Variants in BMPR1B observed in about 807,000 individuals in gnomAD.
The protein encoded by BMPR1B is bone morphogenetic protein receptor type 1B.
A neutral mutation model predicts 59.1 loss-of-function variants in BMPR1B; 12 were observed. The ratio of observed to expected loss-of-function variants is 0.20; its 90% CI spans 0.13 to 0.33. The LOEUF (loss-of-function observed/expected upper bound fraction) is 0.33, where lower values mean the gene tolerates loss of function less well. BMPR1B is among the 10% of genes least tolerant of loss of function. BMPR1B has a pLI of 1.00. For synonymous variants in BMPR1B, 237 were observed against 207.3 expected (o/e 1.14, Z -1.23); for missense variants, 550 against 610.9 (o/e 0.90, Z 1.05).
intron 1 of BMPR1B, among the ~76,000 whole-genome samples, chr4:94,851,649 A>T (rs868527188): frequency 2.0e-4 from 30 of 148,860 alleles, no homozygotes; most frequent in Middle Eastern, 6.9e-3. Context: ...TACAGCTATT[A>T]ATCATATTTT....
chr4:95,149,449 CAG>C (rs1013171072), intron 11 of BMPR1B, among the ~76,000 whole-genome samples: 1 of 152,156 alleles, frequency 6.6e-6, no homozygotes, highest in African/African-American at 2.4e-5. Context: ...ATTAAAGTAT[CAG>C]AGTATTATTT....
chr4:94,943,630 C>A (rs115955511), intron 2 of BMPR1B, among the ~76,000 whole-genome samples: 1 of 152,094 alleles, frequency 6.6e-6, no homozygotes, highest in East Asian at 1.9e-4. Flanking sequence ...TTTCCCATAC[C>A]TAGTAAGTAC....
chr4:94,910,949 A>G (rs1728248925), intron 2 of BMPR1B, among the ~76,000 whole-genome samples: 1 of 152,114 alleles, frequency 6.6e-6, no homozygotes, highest in South Asian at 2.1e-4. Context: ...TTCAGTTTAA[A>G]AATCCTTATG....
At chr4:95,115,244 A>G (rs1165385377) in intron 5 of BMPR1B, among the ~76,000 whole-genome samples, 1 of 152,226 alleles carries the variant, frequency 6.6e-6, no homozygotes, top group Non-Finnish European at 1.5e-5. Flanking sequence ...TTCTCACAAC[A>G]TATCCCTGTC....
rs572258470 is a variant in BMPR1B, at chr4:94,925,704, G to A, written c.-113+49804G>A. Among the ~76,000 whole-genome samples the A allele has an allele frequency of 3.9e-5, 6 of 152,234 alleles. No homozygotes were observed. In the East Asian group the frequency reaches 1.2e-3, roughly 29 times the overall value. On this transcript the variant is annotated intron_variant, in intron 2 of 12. Transcript: ENST00000515059. The stretch of plus-strand genomic sequence containing the variant: ...TTTGAAACTTGGACATGGTACCGGA[G>A]AGATTTTAATGGGAATTTGGATATT...
intron 2 of BMPR1B, among the ~76,000 whole-genome samples, chr4:94,963,927 T>G (rs571594791): frequency 1.3e-5 from 2 of 152,292 alleles, no homozygotes; most frequent in African/African-American, 4.8e-5. Context: ...TTGGGTAGTA[T>G]GTACATTTTA....
intron 2 of BMPR1B, among the ~76,000 whole-genome samples, chr4:94,983,907 A>G (rs1721248423): frequency 6.6e-6 from 1 of 152,248 alleles, no homozygotes; most frequent in Admixed American, 6.5e-5. Context: ...CTAGAGTGCC[A>G]GGCCCATAAC....
At chr4:94,967,774 C>T (rs1391380653) in intron 2 of BMPR1B, among the ~76,000 whole-genome samples, 3 of 152,166 alleles carry the variant, frequency 2.0e-5, no homozygotes, top group South Asian at 2.1e-4. Flanking sequence ...TGAGCCACTG[C>T]GCCTGGCCTA....
At chr4:95,152,602 A>AAAT (rs144298602) in intron 11 of BMPR1B, 41 bp from the exon 12 acceptor site, 410 of 1,452,236 alleles carry the variant, frequency 2.8e-4, no homozygotes, top group Middle Eastern at 4.9e-4. Context: ...ACTTCACAGA[A>AAAT]AATAATAATA....
At chr4:94,815,818 A>G (rs1415019499) in intron 1 of BMPR1B, among the ~76,000 whole-genome samples, 1 of 152,234 alleles carries the variant, frequency 6.6e-6, no homozygotes, top group African/African-American at 2.4e-5. Context: ...ACATTTTATA[A>G]GGTTATTGCT....
chr4:94,937,032 C>T (rs762658028), intron 2 of BMPR1B, among the ~76,000 whole-genome samples: 7 of 152,128 alleles, frequency 4.6e-5, no homozygotes, highest in African/African-American at 1.2e-4. Flanking sequence ...TGGCATGTAG[C>T]GTCCTCCAGC....
chr4:95,095,073 A>G (rs905323565), intron 3 of BMPR1B, among the ~76,000 whole-genome samples: 2 of 151,764 alleles, frequency 1.3e-5, no homozygotes, highest in Non-Finnish European at 2.9e-5. Flanking sequence ...TTTTGCTGCA[A>G]AGAGCATAGA....
intron 1 of BMPR1B, among the ~76,000 whole-genome samples, chr4:94,870,614 T>TCTACTG (rs1455366062): frequency 3.3e-5 from 5 of 152,210 alleles, no homozygotes; most frequent in Admixed American, 1.3e-4. Context: ...GATTTAGTGT[T>TCTACTG]CTACTGTTTA....
intron 6 of BMPR1B, among the ~76,000 whole-genome samples, chr4:95,119,754 T>C (rs1472554888): frequency 6.6e-6 from 1 of 152,192 alleles, no homozygotes; most frequent in African/African-American, 2.4e-5. Context: ...CTATTACAAA[T>C]CATAAATAGC....
At chr4:94,917,069 A>G (rs889046983) in intron 2 of BMPR1B, among the ~76,000 whole-genome samples, 5 of 152,276 alleles carry the variant, frequency 3.3e-5, no homozygotes, top group African/African-American at 9.6e-5. Context: ...GTAGGTGCCC[A>G]GAACGAAAGA....
chr4:94,980,991 TCACACACA>T (rs71583675), intron 2 of BMPR1B, among the ~76,000 whole-genome samples: 8 of 21,768 alleles, frequency 3.7e-4, no homozygotes, highest in Non-Finnish European at 8.4e-4. Flanking sequence ...CAAGACTCCA[TCACACACA>T]CACACACACA....
intron 12 of BMPR1B, among the ~76,000 whole-genome samples, chr4:95,153,470 A>G (rs889779504): frequency 8.0e-5 from 12 of 150,716 alleles, no homozygotes; most frequent in Admixed American, 1.3e-4. Context: ...GCACCACTGG[A>G]AAAAAAAACA....
At chr4:95,076,184 T>A (rs1189663340) in intron 3 of BMPR1B, among the ~76,000 whole-genome samples, 3 of 152,126 alleles carry the variant, frequency 2.0e-5, no homozygotes, top group Admixed American at 1.3e-4. Flanking sequence ...GATGAACTGA[T>A]GCTTTGATGG....
intron 3 of BMPR1B, among the ~76,000 whole-genome samples, chr4:95,025,217 A>G (rs1724271862): frequency 6.6e-6 from 1 of 152,214 alleles, no homozygotes; most frequent in Admixed American, 6.6e-5. Context: ...GGGGAAAGTG[A>G]TAAGAAAAGA....
Sources: allele counts gnomAD v4.1 joint callset (sites outside exome capture counted in the v4.1 genomes callset), GRCh38; gene constraint gnomAD v4.1.1; transcripts MANE v1.5; gene names NCBI Gene and HGNC (gene_info 2026-07-23, HGNC 2026-07-21).